The following TECPR2 variants were observed in gnomAD, a reference collection of about 807,000 sequenced individuals.
TECPR2 encodes the protein tectonin beta-propeller repeat containing 2.
In TECPR2, 65 loss-of-function variants were observed where a neutral mutation model predicts 138.1. The observed-to-expected ratio is 0.47, with a 90% CI of 0.39 to 0.58. The LOEUF is 0.58. Ranked by LOEUF, TECPR2 falls within the 20% of genes least tolerant of loss-of-function variation. TECPR2 has a pLI of 0.00. For synonymous variants in TECPR2, 746 were observed against 749.8 expected (o/e 0.99, Z 0.08); for missense variants, 1,553 against 1,824.5 (o/e 0.85, Z 2.71).
rs1273177351 is a variant in TECPR2 at position 102,420,774 on chromosome 14, C to T, written c.639-4205C>T. 6.6e-6 allele frequency among the ~76,000 whole-genome samples: 1 copy of T among 152,158 alleles called. No individual in the cohort carries two copies. Among genetic ancestry groups the T allele is most frequent in the Non-Finnish European group, 1.5e-5 (1 of 68,020 alleles). ...GTGTGAGCCACCATGCCCAGCTATT[C>T]AGCAGTTTTAGAGGCAGCCACTCCC... On this transcript the variant is annotated intron_variant, in intron 5 of 19. Coordinates refer to ENST00000359520, the MANE Select transcript of TECPR2 (RefSeq NM_014844.5). The surrounding 1 kb of genome is among the most constrained non-coding windows in gnomAD (Gnocchi z 4.1).
At chr14:102,479,989 A>G (rs548667162) in intron 17 of TECPR2, among the ~76,000 whole-genome samples, 8 of 152,354 alleles carry the variant, frequency 5.3e-5, no homozygotes, top group Admixed American at 3.9e-4. Context: ...GTTACTTGCA[A>G]TCAGAAGAAC....
At chr14:102,438,233 TCCCTGCTCCCG>T (rs1567342062) in intron 10 of TECPR2, 28 bp downstream of exon 10, 7 of 1,581,852 alleles carry the variant, frequency 4.4e-6, no homozygotes, top group Non-Finnish European at 6.0e-6. Flanking sequence ...CTGCTCCCGC[TCCCTGCTCCCG>T]CTCGCCGCTC....
chr14:102,366,672 A>T (rs71415893), intron 1 of TECPR2, among the ~76,000 whole-genome samples: 2 of 152,196 alleles, frequency 1.3e-5, no homozygotes, highest in African/African-American at 4.8e-5. Context: ...GATTGAGACT[A>T]TTGTTTTGCA....
rs1890174640 is a variant in TECPR2 at position 102,452,592 on chromosome 14, G to T, written c.3605G>T (p.Gly1202Val). The T allele has an allele frequency of 6.2e-7, 1 of 1,605,062 alleles. No homozygotes were observed. The highest frequency in any genetic ancestry group is 8.5e-7 in the Non-Finnish European group (1 of 1,176,688). The change falls in exon 16 of 20, where the codon GGC becomes GTC. Residue 1202 changes from glycine to valine, a missense_variant. Transcript: ENST00000359520. ...ACGCTCTCCAAGAGCTGCCCCACGG[G>T]CATGCACTGGACCAGGCTGGACCTC... is the stretch of plus-strand genomic sequence containing the variant. ...IRTLSKSCPT[G>V]MHWTRLDLSQ...
intron 18 of TECPR2, 149 bp from the exon 19 acceptor site, chr14:102,497,421 C>A: frequency 8.5e-7 from 1 of 1,176,724 alleles, no homozygotes; most frequent in Non-Finnish European, 1.1e-6. Context: ...TCCTTTCCCT[C>A]GGCTCCTGCC....
intron 13 of TECPR2, among the ~76,000 whole-genome samples, chr14:102,448,230 G>A (rs1012540666): frequency 6.6e-6 from 1 of 152,196 alleles, no homozygotes; most frequent in Non-Finnish European, 1.5e-5. Flanking sequence ...AAAGTGCTGG[G>A]ATTACAGGCG....
At chr14:102,456,651 G>A (rs1190066113) in intron 16 of TECPR2, among the ~76,000 whole-genome samples, 3 of 149,518 alleles carry the variant, frequency 2.0e-5, no homozygotes, top group East Asian at 2.0e-4. Flanking sequence ...GTGCAGTGGC[G>A]CAATCTCGGC....
At position 102,443,941 on chromosome 14, in the gene TECPR2, T is replaced by TC; in HGVS notation, c.2933+116dup. The TC allele has an allele frequency of 2.0e-6, 2 of 1,020,350 alleles. No homozygotes were observed. Among genetic ancestry groups the TC allele is most frequent in the Non-Finnish European group, 2.7e-6 (2 of 730,904 alleles). 63.2% of individuals were successfully genotyped at this position (1,020,350 alleles called of 1,614,324 possible). On this transcript the variant is annotated intron_variant, in intron 12 of 19. Transcript: ENST00000359520. The surrounding 1 kb of genome is among the most constrained non-coding windows in gnomAD (Gnocchi z 4.9). ...TTCCTGGGAGGCAGCACCTGCAGCC[T>TC]CCATGGCTATAGGCTAAGCTTGAAT...
At chr14:102,366,855 G>T (rs1363509785) in intron 1 of TECPR2, among the ~76,000 whole-genome samples, 2 of 152,196 alleles carry the variant, frequency 1.3e-5, no homozygotes, top group Admixed American at 1.3e-4. Context: ...TTGTAATGAG[G>T]ATTATGAAGC....
Position 102,407,387 on chromosome 14 carries a change from A to C in TECPR2, c.269A>C (p.Asp90Ala). 1 of 1,613,598 alleles carries C rather than the reference A, an allele frequency of 6.2e-7. No homozygotes were observed. Among genetic ancestry groups the C allele is most frequent in the South Asian group, 1.1e-5 (1 of 90,916 alleles). The change falls in exon 3 of 20, where the codon GAC becomes GCC. Residue 90 changes from aspartate to alanine, a missense_variant. Asp to Ala is a moderately radical substitution (Grantham distance 126). Coordinates refer to ENST00000359520, the MANE Select transcript of TECPR2 (RefSeq NM_014844.5). ...TVVKLLSCFD[D>A]LVAAGTASGR... ...GTGAAGCTGCTGAGCTGCTTTGATG[A>C]CCTGGTGGCAGCAGGCACAGCCTCT...
chr14:102,363,029 A>G lies in TECPR2; in HGVS notation c.-160A>G. 1 of 776,694 alleles carries G rather than the reference A, an allele frequency of 1.3e-6. No homozygotes were observed. The highest frequency in any genetic ancestry group is 2.0e-6 in the Non-Finnish European group (1 of 502,946). 48.1% of individuals were successfully genotyped at this position (776,694 alleles called of 1,614,324 possible). ...GTGCCGGCCCCGTTGCCCAGGGAACAGGCTCCCGGCAGCCCCCGCGGCCCG... is the reference window on the plus strand; with the variant it reads ...GTGCCGGCCCCGTTGCCCAGGGAACGGGCTCCCGGCAGCCCCCGCGGCCCG... On this transcript the variant is annotated 5_prime_UTR_variant, in exon 1 of 20. Transcript: ENST00000359520.
chr14:102,428,374 C>T lies in TECPR2; in HGVS notation c.1076C>T (p.Thr359Ile). 6.2e-7 allele frequency: 1 copy of T among 1,608,260 alleles called. No homozygotes were observed. Among genetic ancestry groups the T allele is most frequent in the Non-Finnish European group, 8.5e-7 (1 of 1,178,460 alleles). The change falls in exon 7 of 20, where the codon ACA becomes ATA. Residue 359 changes from threonine to isoleucine, a missense_variant. Coordinates refer to ENST00000359520, the MANE Select transcript of TECPR2 (RefSeq NM_014844.5). ...IRISSRPEGL[T>I]STVRDGLEMS... ...ATTTCAAGCAGGCCTGAAGGATTAA[C>T]ATCAACAGGTTTGTATTTATTATAA... is the stretch of plus-strand genomic sequence containing the variant.
Position 102,404,580 on chromosome 14 carries a change from T to A in TECPR2, c.220-2758T>A, listed in dbSNP as rs561323502. Among the ~76,000 whole-genome samples, 333 of 76,888 alleles carry A rather than the reference T, an allele frequency of 4.3e-3. 3 individuals carry two copies. The highest frequency in any genetic ancestry group is 0.011 in the African/African-American group (315 of 28,648). The allele number at this position is 76,888 out of a possible 152,430, so 50.4% of individuals were successfully genotyped here. A position where few individuals can be genotyped will look rare whatever the true frequency, so the allele number is the denominator to read the frequency against. On this transcript the variant is annotated intron_variant, in intron 2 of 19. Transcript: ENST00000359520. ...AACCCTCTTATATAGTCAAGTGAAA[T>A]TTTTTTTTTTTTTTGAGACAGACTG...
chr14:102,400,225 T>A, intron 2 of TECPR2, among the ~76,000 whole-genome samples: 1 of 152,078 alleles, frequency 6.6e-6, no homozygotes, highest in African/African-American at 2.4e-5. Flanking sequence ...TTTGTATTTT[T>A]AGTAGAGACG....
chr14:102,468,276 C>T (rs1260864332), intron 17 of TECPR2, among the ~76,000 whole-genome samples: 3 of 152,218 alleles, frequency 2.0e-5, no homozygotes, highest in African/African-American at 7.2e-5. Flanking sequence ...CAACTTCTGC[C>T]TCCTGGATTC....
intron 5 of TECPR2, among the ~76,000 whole-genome samples, chr14:102,421,521 A>G (rs954527737): frequency 9.9e-5 from 15 of 152,188 alleles, no homozygotes; most frequent in Admixed American, 8.5e-4. Context: ...CTGTTTGCCT[A>G]TGTGGGTGGG....
intron 5 of TECPR2, among the ~76,000 whole-genome samples, chr14:102,423,437 CAA>C (rs35097163): frequency 5.4e-5 from 7 of 129,598 alleles, no homozygotes; most frequent in South Asian, 2.4e-4. Flanking sequence ...AACTCTGTCT[CAA>C]AAAAAAAAAA....
intron 5 of TECPR2, among the ~76,000 whole-genome samples, chr14:102,421,488 G>A (rs950373726): frequency 3.3e-5 from 5 of 152,194 alleles, no homozygotes; most frequent in Non-Finnish European, 7.3e-5. Flanking sequence ...TCTGGTGTGC[G>A]AAGAAACCCC....
intron 2 of TECPR2, among the ~76,000 whole-genome samples, chr14:102,389,224 G>T (rs1237021170): frequency 2.0e-5 from 3 of 152,120 alleles, no homozygotes; most frequent in African/African-American, 7.2e-5. Flanking sequence ...TACTTGGGAG[G>T]CTGAGGCAGG....
Sources: gnomAD v4.1 joint callset for allele counts (sites outside exome capture counted in the v4.1 genomes callset) on GRCh38, gnomAD v4.1.1 for gene constraint, Gnocchi (gnomAD v3.1) non-coding constraint, MANE v1.5 for transcripts, NCBI Gene and HGNC (gene_info 2026-07-23, HGNC 2026-07-21) for gene names.